Variants in MACC1 observed in about 807,000 individuals in gnomAD.
The protein encoded by MACC1 is MET transcriptional regulator MACC1.
MACC1 carries 79 observed loss-of-function variants against 70.7 expected under a neutral mutation model. That is an observed-to-expected ratio of 1.12 (90% confidence interval 0.93 to 1.35). The LOEUF (loss-of-function observed/expected upper bound fraction) is 1.35, where lower values mean the gene tolerates loss of function less well. MACC1 is among the 40% of genes most tolerant of loss of function. MACC1 has a pLI of 0.00. For synonymous variants in MACC1, 361 were observed against 347.2 expected (o/e 1.04, Z -0.44); for missense variants, 1,106 against 978.1 (o/e 1.13, Z -1.74).
intron 1 of MACC1, among the ~76,000 whole-genome samples, chr7:20,193,013 A>G (rs375119426): frequency 2.6e-5 from 4 of 152,266 alleles, no homozygotes; most frequent in South Asian, 2.1e-4. Flanking sequence ...ATTTCATATT[A>G]TTTTTCTTAA....
Position 20,140,937 on chromosome 7 carries a change from G to A in MACC1, c.*9C>T, listed in dbSNP as rs1471850747. The A allele has an allele frequency of 1.4e-5, 22 of 1,599,284 alleles. No individual in the cohort carries two copies. The highest frequency in any genetic ancestry group is 3.3e-4 in the Middle Eastern group (2 of 6,010). ...ATTTTCCCTCCCATCAAAAACACAC[G>A]CTTTGTTTCTATACTTCCTCAGAAG... On this transcript the variant is annotated 3_prime_UTR_variant, in exon 7 of 7. Transcript: ENST00000400331.
In MACC1 at chr7:20,208,644, T is replaced by C. The variant is rs139146177; in HGVS notation, c.-218+8655A>G. On this transcript the variant is annotated intron_variant, in intron 1 of 6. Transcript: ENST00000400331. ...AAAGTTTGGAAAATGTGCAGTCTGA[T>C]GATGTGATAAAAAAGAAAAACTCAT... Among the ~76,000 whole-genome samples, 33 of 152,298 alleles carry C rather than the reference T, an allele frequency of 2.2e-4. 1 individual carries two copies. Among genetic ancestry groups the C allele is most frequent in the African/African-American group, 7.5e-4 (31 of 41,566 alleles).
At chr7:20,210,679 A>T (rs1239834001) in intron 1 of MACC1, among the ~76,000 whole-genome samples, 4 of 152,090 alleles carry the variant, frequency 2.6e-5, no homozygotes, top group Non-Finnish European at 5.9e-5. Flanking sequence ...CCCCAAGTAC[A>T]TCTCTTAGCA....
At chr7:20,212,410 G>A (rs2190434) in intron 1 of MACC1, among the ~76,000 whole-genome samples, 92,329 of 151,948 alleles carry the variant, frequency 0.61, 28,659 homozygotes, top group East Asian at 0.88. Flanking sequence ...CTTATCTCTG[G>A]GCAAGGTGGT....
intron 6 of MACC1, among the ~76,000 whole-genome samples, chr7:20,144,272 T>C (rs957399139): frequency 6.6e-6 from 1 of 152,190 alleles, no homozygotes; most frequent in Non-Finnish European, 1.5e-5. Flanking sequence ...AGGAAGGAGA[T>C]AGACACCTGC....
chr7:20,204,306 C>A (rs895780085), intron 1 of MACC1, among the ~76,000 whole-genome samples: 25 of 152,108 alleles, frequency 1.6e-4, no homozygotes, highest in African/African-American at 5.6e-4. Flanking sequence ...AGGCGCCCAC[C>A]ACCACGCCCG....
rs1010845036 is a variant in MACC1 at position 20,135,312 on chromosome 7, G to A, written c.*5634C>T. Reference sequence around the variant, plus strand: ...TTCACAGTCAAAATTATTTTTGTAGGCCTTTATTAACTCATGAAAAGTTCA... The same window carrying A: ...TTCACAGTCAAAATTATTTTTGTAGACCTTTATTAACTCATGAAAAGTTCA... On this transcript the variant is annotated 3_prime_UTR_variant, in exon 7 of 7. Coordinates refer to ENST00000400331, the MANE Select transcript of MACC1 (RefSeq NM_182762.4). 2.0e-5 allele frequency: 3 copies of A among 152,030 alleles called. No homozygotes were observed. The highest frequency in any genetic ancestry group is 4.4e-5 in the Non-Finnish European group (3 of 67,996). The allele number at this position is 152,030 out of a possible 1,614,324, so 9.4% of individuals were successfully genotyped here. A position where few individuals can be genotyped will look rare whatever the true frequency, so the allele number is the denominator to read the frequency against.
intron 1 of MACC1, among the ~76,000 whole-genome samples, chr7:20,176,894 G>A (rs1782401292): frequency 1.3e-5 from 2 of 152,162 alleles, no homozygotes; most frequent in Admixed American, 6.5e-5. Flanking sequence ...CAGATTAGTG[G>A]TGCCAGAGAA....
rs1450313763 is a variant in MACC1 at position 20,170,169 on chromosome 7, A to C, written c.-153+545T>G. 7.2e-5 allele frequency: 11 copies of C among 152,242 alleles called. No homozygotes were observed. The East Asian group carries it at 2.1e-3, about 29-fold the overall frequency. The allele number at this position is 152,242 out of a possible 1,614,324, so 9.4% of individuals were successfully genotyped here. On this transcript the variant is annotated intron_variant, in intron 2 of 6. Coordinates refer to ENST00000400331, the MANE Select transcript of MACC1 (RefSeq NM_182762.4). Reference sequence around the variant, plus strand: ...AAATAGACAGACGTAACTTCAGACCAATGCTTAGAAATGAATTCACTGGTC... The same window carrying C: ...AAATAGACAGACGTAACTTCAGACCCATGCTTAGAAATGAATTCACTGGTC...
In MACC1 at chr7:20,158,609, A is replaced by C. The variant is rs201529936; in HGVS notation, c.1752T>G (p.Gly584=). 4 of 1,613,996 alleles carry C rather than the reference A, an allele frequency of 2.5e-6. No homozygotes were observed. Among genetic ancestry groups the C allele is most frequent in the Non-Finnish European group, 3.4e-6 (4 of 1,179,956 alleles). ...KGDTIALLGE[G]KVKAIGQSKV... ...TGGACTGACCAATAGCTTTTACCTT[A>C]CCTTCCCCGAGGAGAGCTATTGTGT... The change falls in exon 5 of 7, where the codon GGT becomes GGG. Residue 584 remains glycine, a synonymous_variant. Coordinates refer to ENST00000400331, the MANE Select transcript of MACC1 (RefSeq NM_182762.4).
In MACC1 at chr7:20,158,244, G is replaced by T. The variant is rs1188842063; in HGVS notation, c.2117C>A (p.Thr706Lys). ...VIKKLKEDCH[T>K]ERNTRKFLYE... ...CAGAAACTTCCTTGTATTTCTCTCT[G>T]TGTGGCAATCTTCCTTTAACTTCTT... Residue 706 changes from threonine to lysine, a missense_variant, in exon 5 of 7, where the codon ACA becomes AAA. Transcript: ENST00000400331. 1 of 1,601,384 alleles carries T rather than the reference G, an allele frequency of 6.2e-7. No homozygotes were observed. Among genetic ancestry groups the T allele is most frequent in the South Asian group, 1.1e-5 (1 of 88,204 alleles).
At chr7:20,176,532 A>C (rs1404066717) in intron 1 of MACC1, among the ~76,000 whole-genome samples, 1 of 152,176 alleles carries the variant, frequency 6.6e-6, no homozygotes, top group Non-Finnish European at 1.5e-5. Context: ...TGTCTTTTAA[A>C]AATTCAACAT....
intron 6 of MACC1, among the ~76,000 whole-genome samples, chr7:20,146,148 G>GAA (rs377648424): frequency 0.01 from 893 of 86,326 alleles, 15 homozygotes; most frequent in Admixed American, 0.059. Context: ...ATCTCAAAAA[G>GAA]AAAAAAAAAA....
chr7:20,212,917 G>A lies in MACC1; in HGVS notation c.-218+4382C>T, dbSNP rs182036865. 3.3e-4 allele frequency among the ~76,000 whole-genome samples: 50 copies of A among 152,208 alleles called. 1 individual carries two copies. The highest frequency in any genetic ancestry group is 2.6e-3 in the Admixed American group (40 of 15,280). On this transcript the variant is annotated intron_variant, in intron 1 of 6. Coordinates refer to ENST00000400331, the MANE Select transcript of MACC1 (RefSeq NM_182762.4). ...AAGAATACTAGCGGGAGTGGCTGGA[G>A]ACCCCATTTGGTAGGTTCCACCTAG...
At chr7:20,182,489 A>C (rs1782525162) in intron 1 of MACC1, among the ~76,000 whole-genome samples, 1 of 152,174 alleles carries the variant, frequency 6.6e-6, no homozygotes, top group Non-Finnish European at 1.5e-5. Flanking sequence ...TAGTGTAAGA[A>C]CATGTCAACC....
chr7:20,162,209 A>T (rs79893654), intron 3 of MACC1, among the ~76,000 whole-genome samples: 2 of 152,274 alleles, frequency 1.3e-5, no homozygotes, highest in East Asian at 3.9e-4. Flanking sequence ...CTGTTTGGCG[A>T]TTGGAGGACT....
intron 2 of MACC1, among the ~76,000 whole-genome samples, chr7:20,168,889 C>G (rs975350783): frequency 6.6e-6 from 1 of 152,134 alleles, no homozygotes; most frequent in Non-Finnish European, 1.5e-5. Context: ...TTTGAAGACC[C>G]AAACAATTCA....
At chr7:20,174,951 A>G (rs1162078699) in intron 1 of MACC1, among the ~76,000 whole-genome samples, 2 of 152,118 alleles carry the variant, frequency 1.3e-5, no homozygotes, top group East Asian at 1.9e-4. Context: ...TACTAAATAT[A>G]TCAACCCTTC....
intron 2 of MACC1, among the ~76,000 whole-genome samples, chr7:20,164,904 T>A (rs952366127): frequency 5.9e-5 from 9 of 151,614 alleles, no homozygotes; most frequent in African/African-American, 1.5e-4. Context: ...TTTTTTTTTT[T>A]ATGAGGAAAG....
Sources: allele counts gnomAD v4.1 joint callset (sites outside exome capture counted in the v4.1 genomes callset), GRCh38; gene constraint gnomAD v4.1.1; transcripts MANE v1.5; gene names NCBI Gene and HGNC (gene_info 2026-07-23, HGNC 2026-07-21).